Variants in GRIK4 observed in about 807,000 individuals in gnomAD.
GRIK4 encodes glutamate receptor ionotropic, kainate 4.
A neutral mutation model predicts 104.9 loss-of-function variants in GRIK4; 40 were observed. The observed-to-expected ratio is 0.38, with a 90% CI of 0.30 to 0.50. GRIK4 has a LOEUF of 0.50. Ranked by LOEUF, GRIK4 falls within the 20% of genes least tolerant of loss-of-function variation. The probability of loss-of-function intolerance (pLI) is 0.93; values close to 1 mark genes in which losing one functional copy is unlikely to be tolerated. For synonymous variants in GRIK4, 485 were observed against 524.9 expected, an observed-to-expected ratio of 0.92 and a Z score of 1.04; for missense variants, 1,047 against 1,308.1, an observed-to-expected ratio of 0.80 and a Z score of 3.08.
intron 3 of GRIK4, among the ~76,000 whole-genome samples, chr11:120,671,320 C>T (rs1259106909): frequency 6.6e-6 from 1 of 152,230 alleles, no homozygotes; most frequent in Non-Finnish European, 1.5e-5. Context: ...CTCCCACCAA[C>T]AGTGTAAAAG....
intron 3 of GRIK4, among the ~76,000 whole-genome samples, chr11:120,739,346 C>G (rs1460400465): frequency 6.6e-6 from 1 of 152,198 alleles, no homozygotes; most frequent in Non-Finnish European, 1.5e-5. Flanking sequence ...ATCTGGCCCC[C>G]TTGAGTTTCC....
At chr11:120,711,417 T>G (rs1688982678) in intron 3 of GRIK4, among the ~76,000 whole-genome samples, 1 of 152,120 alleles carries the variant, frequency 6.6e-6, no homozygotes. Context: ...GCCCAAGGTG[T>G]GCAGAGAGAA....
At chr11:120,822,146 G>C (rs1953143330) in intron 6 of GRIK4, among the ~76,000 whole-genome samples, 1 of 149,358 alleles carries the variant, frequency 6.7e-6, no homozygotes, top group Non-Finnish European at 1.5e-5. Context: ...TGGAGGTGGA[G>C]GTTGCAGTGA....
chr11:120,621,856 C>G (rs1468036524), intron 1 of GRIK4, among the ~76,000 whole-genome samples: 2 of 152,014 alleles, frequency 1.3e-5, no homozygotes, highest in Non-Finnish European at 2.9e-5. Flanking sequence ...TGGGGTATAG[C>G]TTGTGCTTGT....
intron 1 of GRIK4, among the ~76,000 whole-genome samples, chr11:120,522,767 C>G (rs536472223): frequency 6.6e-6 from 1 of 152,310 alleles, no homozygotes; most frequent in South Asian, 2.1e-4. Context: ...AATCCCCTGG[C>G]CAGGAAGACA....
chr11:120,909,282 A>T (rs572277771), intron 13 of GRIK4, among the ~76,000 whole-genome samples: 1 of 152,334 alleles, frequency 6.6e-6, no homozygotes, highest in African/African-American at 2.4e-5. Context: ...CATAAGGATG[A>T]GCTTTGGCCC....
chr11:120,887,300 C>T (rs78152463), intron 11 of GRIK4, among the ~76,000 whole-genome samples: 4,804 of 152,244 alleles, frequency 0.032, 233 homozygotes, highest in African/African-American at 0.11. Flanking sequence ...GGCCTCCTAC[C>T]GTCACCTGTC....
intron 13 of GRIK4, among the ~76,000 whole-genome samples, chr11:120,928,959 ACGTG>A (rs1943413979): frequency 4.0e-5 from 3 of 74,714 alleles, no homozygotes; most frequent in African/African-American, 1.2e-4. Flanking sequence ...GTTAGCAAAG[ACGTG>A]TGTGTGTGTG....
At chr11:120,976,988 G>A (rs1944570885) in intron 19 of GRIK4, among the ~76,000 whole-genome samples, 1 of 152,212 alleles carries the variant, frequency 6.6e-6, no homozygotes, top group Non-Finnish European at 1.5e-5. Flanking sequence ...TGGGTGGGTG[G>A]AGATTCACAT....
chr11:120,564,726 G>T (rs1481768915), intron 1 of GRIK4: 1 of 152,240 alleles, frequency 6.6e-6, no homozygotes, highest in South Asian at 2.1e-4. Flanking sequence ...GCCGCAGCAG[G>T]TAATTAGCTG....
At chr11:120,658,278 C>T (rs900306715) in intron 2 of GRIK4, among the ~76,000 whole-genome samples, 3 of 152,118 alleles carry the variant, frequency 2.0e-5, no homozygotes, top group Admixed American at 6.5e-5. Flanking sequence ...ATTTCTCCAT[C>T]GTGCTGCTGG....
intron 1 of GRIK4, among the ~76,000 whole-genome samples, chr11:120,553,291 A>G (rs2248887): frequency 0.82 from 125,018 of 152,162 alleles, 51,766 homozygotes; most frequent in African/African-American, 0.93. Flanking sequence ...AGACAGGGGA[A>G]CAGGAGGAAA....
intron 13 of GRIK4, among the ~76,000 whole-genome samples, chr11:120,911,308 G>A (rs1171987436): frequency 6.7e-6 from 1 of 148,238 alleles, no homozygotes; most frequent in Admixed American, 6.7e-5. Flanking sequence ...GCGCGATCTC[G>A]ACTCACTGCA....
chr11:120,826,478 A>G (rs2135554749), intron 6 of GRIK4, among the ~76,000 whole-genome samples: 1 of 152,316 alleles, frequency 6.6e-6, no homozygotes, highest in Admixed American at 6.5e-5. Context: ...AGTCAGGAGG[A>G]TGAAATCAGT....
At chr11:120,539,051 C>G (rs961594565) in intron 1 of GRIK4, among the ~76,000 whole-genome samples, 3 of 152,240 alleles carry the variant, frequency 2.0e-5, no homozygotes, top group African/African-American at 7.2e-5. Flanking sequence ...ACCTCCAAAG[C>G]AAGTGAGAGG....
chr11:120,787,451 T>A (rs551789017), intron 3 of GRIK4, among the ~76,000 whole-genome samples: 14 of 150,250 alleles, frequency 9.3e-5, no homozygotes, highest in African/African-American at 1.2e-4. Context: ...TATTTTATTT[T>A]ATTTATTTTA....
intron 8 of GRIK4, among the ~76,000 whole-genome samples, chr11:120,851,974 G>A (rs929817414): frequency 3.9e-5 from 6 of 152,212 alleles, no homozygotes; most frequent in Non-Finnish European, 5.9e-5. Flanking sequence ...TGGGAAAGGA[G>A]AGGTTTAGCA....
chr11:120,764,795 C>A (rs984400369), intron 3 of GRIK4, among the ~76,000 whole-genome samples: 11 of 152,190 alleles, frequency 7.2e-5, no homozygotes, highest in African/African-American at 2.7e-4. Flanking sequence ...CCACTCTCTT[C>A]TGGCTTGTAG....
chr11:120,604,561 G>A (rs1476042919), intron 1 of GRIK4, among the ~76,000 whole-genome samples: 3 of 152,230 alleles, frequency 2.0e-5, no homozygotes, highest in East Asian at 1.9e-4. Context: ...CCAGCAGTGG[G>A]AACTGTGACC....
Sources: gnomAD v4.1 joint callset for allele counts (sites outside exome capture counted in the v4.1 genomes callset) on GRCh38, gnomAD v4.1.1 for gene constraint, MANE v1.5 for transcripts, NCBI Gene and HGNC (gene_info 2026-07-23, HGNC 2026-07-21) for gene names.